TBCK: variants seen among roughly 807,000 people sequenced by gnomAD.
The protein encoded by TBCK is TBC domain-containing protein kinase-like protein.
A neutral mutation model predicts 113.4 loss-of-function variants in TBCK; 99 were observed. The ratio of observed to expected loss-of-function variants is 0.87; its 90% CI spans 0.74 to 1.03. The LOEUF is 1.03. TBCK is among the 50% of genes least tolerant of loss of function. The probability of loss-of-function intolerance (pLI) is 0.00; values close to 1 mark genes in which losing one functional copy is unlikely to be tolerated. For missense variants in TBCK, 1,045 were observed against 1,061.3 expected (o/e 0.98, Z 0.21); for synonymous variants, 369 against 370.8 (o/e 1.00, Z 0.05).
At position 106,139,068 on chromosome 4, in the gene TBCK, C is replaced by G. The variant is rs1266243807; in HGVS notation, c.2236-22690G>C. Among the ~76,000 whole-genome samples the G allele has an allele frequency of 3.5e-5, 5 of 140,894 alleles. 2 individuals are homozygous for G. Among genetic ancestry groups the G allele is most frequent in the African/African-American group, 5.0e-5 (2 of 39,870 alleles). 92.4% of individuals were successfully genotyped at this position (140,894 alleles called of 152,430 possible). ...CCTTCACTCTCACCCTTATCCTCTT[C>G]CTTGTATACTAAAGTGATTAGTGCT... On this transcript the variant is annotated intron_variant, in intron 23 of 25. Transcript: ENST00000394708.
At chr4:106,080,503 C>T (rs929537890) in intron 25 of TBCK, among the ~76,000 whole-genome samples, 1 of 152,140 alleles carries the variant, frequency 6.6e-6, no homozygotes, top group Non-Finnish European at 1.5e-5. Context: ...CCTCCTTTTA[C>T]CATATACAAA....
chr4:106,214,503 T>A (rs1456963851), intron 19 of TBCK, among the ~76,000 whole-genome samples: 4 of 151,258 alleles, frequency 2.6e-5, no homozygotes, highest in Non-Finnish European at 4.4e-5. Context: ...GAATAACCAA[T>A]ACAGAGAAGT....
At chr4:106,109,306 C>T (rs188936117) in intron 24 of TBCK, among the ~76,000 whole-genome samples, 133 of 152,020 alleles carry the variant, frequency 8.7e-4, no homozygotes, top group African/African-American at 2.8e-3. Flanking sequence ...AAAAAGGGCC[C>T]GAATATCCAA....
rs1030758410 is a variant in TBCK at position 106,043,091 on chromosome 4, C to T, written c.*3479G>A. 13 of 152,278 alleles carry T rather than the reference C, an allele frequency of 8.5e-5. No individual in the cohort carries two copies. Among genetic ancestry groups the T allele is most frequent in the African/African-American group, 2.6e-4 (11 of 41,564 alleles). The allele number at this position is 152,278 out of a possible 1,614,324, so 9.4% of individuals were successfully genotyped here. A position where few individuals can be genotyped will look rare whatever the true frequency, so the allele number is the denominator to read the frequency against. On this transcript the variant is annotated 3_prime_UTR_variant, in exon 26 of 26. Coordinates refer to ENST00000394708, the MANE Select transcript of TBCK (RefSeq NM_001163435.3). ...GCTTATATTGATACTGGGTATCCCA[C>T]GGGCCTAAAAGCTGTGCCTTTCAGG...
intron 25 of TBCK, among the ~76,000 whole-genome samples, chr4:106,074,435 T>A (rs1437938905): frequency 6.6e-6 from 1 of 152,244 alleles, no homozygotes; most frequent in Non-Finnish European, 1.5e-5. Context: ...GAGTGCTCAC[T>A]AGTATCAGGC....
rs116541800 is a variant in TBCK at position 106,099,877 on chromosome 4, G to A, written c.2412-4236C>T. Among the ~76,000 whole-genome samples, 845 of 152,234 alleles carry A rather than the reference G, an allele frequency of 5.6e-3. 10 individuals are homozygous for A. The highest frequency in any genetic ancestry group is 0.02 in the African/African-American group (816 of 41,540). ...AAAAAATTTAAAAGCAAAGTGTTCTGATTATTGTATCCTTTCTGAGAAACT... is the reference window on the plus strand; with the variant it reads ...AAAAAATTTAAAAGCAAAGTGTTCTAATTATTGTATCCTTTCTGAGAAACT... On this transcript the variant is annotated intron_variant, in intron 24 of 25. Coordinates refer to ENST00000394708, the MANE Select transcript of TBCK (RefSeq NM_001163435.3).
Position 106,076,000 on chromosome 4 carries a change from T to C in TBCK, c.2571+19482A>G, listed in dbSNP as rs894248269. Among the ~76,000 whole-genome samples the C allele has an allele frequency of 3.3e-5, 5 of 152,256 alleles. No individual in the cohort carries two copies. In the East Asian group the frequency reaches 7.7e-4, roughly 23 times the overall value. On this transcript the variant is annotated intron_variant, in intron 25 of 25. Coordinates refer to ENST00000394708, the MANE Select transcript of TBCK (RefSeq NM_001163435.3). ...CTCACTGAGTTAAGGGTGTGATTTA[T>C]AGAGTCATACAGACTGGTGTTTCAA...
chr4:106,221,858 T>C (rs1284006611), intron 19 of TBCK, among the ~76,000 whole-genome samples: 1 of 152,086 alleles, frequency 6.6e-6, no homozygotes, highest in African/African-American at 2.4e-5. Context: ...AACCTACCTG[T>C]CTGGTACTAT....
At chr4:106,287,841 T>C (rs1388959068) in intron 3 of TBCK, among the ~76,000 whole-genome samples, 1 of 152,220 alleles carries the variant, frequency 6.6e-6, no homozygotes, top group African/African-American at 2.4e-5. Flanking sequence ...TGAAATCTTG[T>C]GAGACCTTGA....
At chr4:106,057,586 A>G (rs187897841) in intron 25 of TBCK, among the ~76,000 whole-genome samples, 62 of 151,696 alleles carry the variant, frequency 4.1e-4, no homozygotes, top group Non-Finnish European at 6.1e-4. Flanking sequence ...GTGCTTTCCA[A>G]TGCTACTGTG....
chr4:106,046,207 A>G lies in TBCK; in HGVS notation c.*363T>C, dbSNP rs866999179. The G allele has an allele frequency of 6.2e-6, 1 of 160,778 alleles. No homozygotes were observed. Among genetic ancestry groups the G allele is most frequent in the African/African-American group, 2.4e-5 (1 of 41,730 alleles). 10.0% of individuals were successfully genotyped at this position (160,778 alleles called of 1,614,324 possible). Reference sequence around the variant, plus strand: ...TTCAGTGTATGTTTCTAAATAACACAATCGACAGGACTGTCTGTTCAGTAC... The same window carrying G: ...TTCAGTGTATGTTTCTAAATAACACGATCGACAGGACTGTCTGTTCAGTAC... On this transcript the variant is annotated 3_prime_UTR_variant, in exon 26 of 26. Coordinates refer to ENST00000394708, the MANE Select transcript of TBCK (RefSeq NM_001163435.3).
intron 19 of TBCK, among the ~76,000 whole-genome samples, chr4:106,216,199 T>A (rs1207355308): frequency 2.0e-5 from 3 of 151,310 alleles, no homozygotes; most frequent in South Asian, 4.2e-4. Flanking sequence ...CCAGAATCTC[T>A]GGGACACATT....
At chr4:106,293,772 G>C (rs1342568217) in intron 3 of TBCK, among the ~76,000 whole-genome samples, 1 of 152,102 alleles carries the variant, frequency 6.6e-6, no homozygotes, top group Non-Finnish European at 1.5e-5. Flanking sequence ...TTTTCATCTA[G>C]AATATTGTGG....
In TBCK at chr4:106,068,596, C is replaced by T. The variant is rs542525017; in HGVS notation, c.2572-21916G>A. Among the ~76,000 whole-genome samples the T allele has an allele frequency of 5.9e-4, 90 of 152,218 alleles. 3 individuals carry two copies. The highest frequency in any genetic ancestry group is 1.7e-3 in the Admixed American group (26 of 15,280). ...CAAGTCTTTGCTATTGTGAATAGTGCCACAATAAACATACGTGTGCATGCA... is the reference window on the plus strand; with the variant it reads ...CAAGTCTTTGCTATTGTGAATAGTGTCACAATAAACATACGTGTGCATGCA... On this transcript the variant is annotated intron_variant, in intron 25 of 25. Transcript: ENST00000394708.
chr4:106,105,902 C>T (rs1742094545), intron 24 of TBCK, among the ~76,000 whole-genome samples: 2 of 152,156 alleles, frequency 1.3e-5, no homozygotes, highest in African/African-American at 4.8e-5. Context: ...AGTTCTTAAT[C>T]ATGCCGAACT....
intron 25 of TBCK, among the ~76,000 whole-genome samples, chr4:106,088,804 C>T (rs543293796): frequency 5.9e-5 from 9 of 152,288 alleles, no homozygotes; most frequent in Admixed American, 5.9e-4. Flanking sequence ...TGGAAGCCAT[C>T]ATCCTCAGCA....
intron 23 of TBCK, among the ~76,000 whole-genome samples, chr4:106,147,529 T>C (rs1237734647): frequency 6.6e-6 from 1 of 152,184 alleles, no homozygotes; most frequent in African/African-American, 2.4e-5. Flanking sequence ...ATTAATACTT[T>C]CAAAATTTCT....
chr4:106,218,289 C>T (rs1323907987), intron 19 of TBCK, among the ~76,000 whole-genome samples: 1 of 150,678 alleles, frequency 6.6e-6, no homozygotes, highest in Non-Finnish European at 1.5e-5. Flanking sequence ...TAGGCAATAC[C>T]ATTCAGGACA....
intron 25 of TBCK, among the ~76,000 whole-genome samples, chr4:106,056,375 G>T (rs1735398569): frequency 6.7e-6 from 1 of 150,340 alleles, no homozygotes; most frequent in African/African-American, 2.4e-5. Flanking sequence ...ATAGTGCTAG[G>T]ATTACAGGTG....
Sources: gnomAD v4.1 joint callset for allele counts (sites outside exome capture counted in the v4.1 genomes callset) on GRCh38, gnomAD v4.1.1 for gene constraint, MANE v1.5 for transcripts, NCBI Gene and HGNC (gene_info 2026-07-23, HGNC 2026-07-21) for gene names.